Variants in SYT10 observed in about 807,000 individuals in gnomAD.
SYT10 encodes the protein synaptotagmin 10.
In SYT10, 31 loss-of-function variants were observed where a neutral mutation model predicts 51.1. That is an observed-to-expected ratio of 0.61 (90% CI 0.46 to 0.82). The LOEUF is 0.82. Among genes scored for constraint, SYT10 ranks in the 40% least tolerant of loss-of-function variants. SYT10 has a pLI of 0.00. For missense variants in SYT10, 603 were observed against 634.0 expected (o/e 0.95, Z 0.53); for synonymous variants, 233 against 225.9 (o/e 1.03, Z -0.28).
At chr12:33,417,284 A>C (rs1866462604) in intron 2 of SYT10, among the ~76,000 whole-genome samples, 1 of 152,116 alleles carries the variant, frequency 6.6e-6, no homozygotes, top group Admixed American at 6.6e-5. Flanking sequence ...TTAATGAGTT[A>C]ATAGATTTGT....
chr12:33,426,008 C>T (rs1218145369), intron 2 of SYT10, 130 bp downstream of exon 2: 1 of 911,654 alleles, frequency 1.1e-6, no homozygotes, highest in Non-Finnish European at 1.6e-6. Context: ...ATGTCTTTCC[C>T]ATTTCTCCTG....
At chr12:33,410,814 A>T (rs1338904452) in intron 2 of SYT10, among the ~76,000 whole-genome samples, 1 of 152,202 alleles carries the variant, frequency 6.6e-6, no homozygotes, top group Non-Finnish European at 1.5e-5. Flanking sequence ...TTGGAAGAAA[A>T]TAAAAAATAA....
intron 6 of SYT10, 54 bp downstream of exon 6, chr12:33,379,778 A>G: frequency 6.3e-7 from 1 of 1,598,554 alleles, no homozygotes; most frequent in South Asian, 1.1e-5. Flanking sequence ...AATAAATAAT[A>G]TTTAAGCAAA....
At chr12:33,401,982 G>A (rs952322819) in intron 3 of SYT10, among the ~76,000 whole-genome samples, 7 of 152,200 alleles carry the variant, frequency 4.6e-5, no homozygotes, top group African/African-American at 1.7e-4. Flanking sequence ...AATAAGTGCA[G>A]CAGACAATGC....
chr12:33,393,282 A>C (rs1213910504), intron 3 of SYT10, among the ~76,000 whole-genome samples: 1 of 152,126 alleles, frequency 6.6e-6, no homozygotes, highest in Non-Finnish European at 1.5e-5. Context: ...ATTTCATAAC[A>C]ACTCTTCTCT....
At chr12:33,438,134 G>A (rs556816858) in intron 1 of SYT10, among the ~76,000 whole-genome samples, 6 of 152,226 alleles carry the variant, frequency 3.9e-5, no homozygotes, top group South Asian at 2.1e-4. Context: ...TGACGCAGGG[G>A]TGGTGGTGGA....
intron 6 of SYT10, 149 bp from the exon 7 acceptor site, chr12:33,377,050 T>G: frequency 1.3e-6 from 1 of 777,870 alleles, no homozygotes; most frequent in African/African-American, 1.7e-5. Flanking sequence ...CCTTCAGAAC[T>G]TACCTTCTCT....
chr12:33,417,504 T>C (rs1164606973), intron 2 of SYT10, among the ~76,000 whole-genome samples: 1 of 152,242 alleles, frequency 6.6e-6, no homozygotes, highest in African/African-American at 2.4e-5. Context: ...TAAATTCATT[T>C]TCTTTATAAA....
intron 3 of SYT10, among the ~76,000 whole-genome samples, chr12:33,394,955 G>A (rs10844577): frequency 0.2 from 30,303 of 152,058 alleles, 3,245 homozygotes; most frequent in South Asian, 0.26. Context: ...GGGCGTGGTG[G>A]TGGGTGCCTG....
chr12:33,437,776 T>C (rs1191346683), intron 1 of SYT10, among the ~76,000 whole-genome samples: 1 of 152,114 alleles, frequency 6.6e-6, no homozygotes, highest in Non-Finnish European at 1.5e-5. Flanking sequence ...CAGAGGACTC[T>C]GAGGTCACAC....
At chr12:33,383,624 C>T (rs1200447086) in intron 4 of SYT10, among the ~76,000 whole-genome samples, 2 of 152,038 alleles carry the variant, frequency 1.3e-5, no homozygotes, top group Non-Finnish European at 2.9e-5. Flanking sequence ...TGTGATACAG[C>T]TTTGTGTTTG....
intron 3 of SYT10, among the ~76,000 whole-genome samples, chr12:33,403,053 C>T (rs1444224327): frequency 1.3e-5 from 2 of 151,774 alleles, no homozygotes; most frequent in Non-Finnish European, 2.9e-5. Flanking sequence ...TATTCTTTTC[C>T]CCAGTAAATT....
chr12:33,400,819 A>G (rs1229657000), intron 3 of SYT10, among the ~76,000 whole-genome samples: 1 of 152,180 alleles, frequency 6.6e-6, no homozygotes, highest in East Asian at 1.9e-4. Flanking sequence ...TGAGGTCAGG[A>G]GTTCGAGACC....
At chr12:33,426,041 G>T in intron 2 of SYT10, 97 bp downstream of exon 2, 1 of 1,289,074 alleles carries the variant, frequency 7.8e-7, no homozygotes, top group Non-Finnish European at 1.1e-6. Context: ...CCCAACTAAA[G>T]TTTTTCTCTC....
chr12:33,414,202 CA>C (rs1176972728), intron 2 of SYT10, among the ~76,000 whole-genome samples: 1 of 152,138 alleles, frequency 6.6e-6, no homozygotes, highest in Non-Finnish European at 1.5e-5. Context: ...TAGAAACATA[CA>C]AAGAGACTTA....
chr12:33,407,359 G>T lies in SYT10; in HGVS notation c.510-3C>A. On this transcript the variant is annotated splice_region_variant and splice_polypyrimidine_tract_variant and intron_variant, in intron 2 of 6. Transcript: ENST00000228567. ...GGTGTCTTCGGAAGGAACTGTGGCT[G>T]AACACACACACATATACACAAAATC... 1 of 1,601,284 alleles carries T rather than the reference G, an allele frequency of 6.2e-7. No homozygotes were observed. Among genetic ancestry groups the T allele is most frequent in the South Asian group, 1.1e-5 (1 of 90,982 alleles).
At chr12:33,425,976 T>G (rs1176373055) in intron 2 of SYT10, among the ~76,000 whole-genome samples, 162 bp downstream of exon 2, 1 of 151,942 alleles carries the variant, frequency 6.6e-6, no homozygotes, top group Non-Finnish European at 1.5e-5. Context: ...CCTTTCTCTC[T>G]TTATTTAATT....
chr12:33,391,384 A>T (rs1423434717), intron 3 of SYT10, among the ~76,000 whole-genome samples: 2 of 152,184 alleles, frequency 1.3e-5, no homozygotes, highest in Non-Finnish European at 1.5e-5. Flanking sequence ...GACAATGTAA[A>T]TGATGAAAAA....
intron 2 of SYT10, among the ~76,000 whole-genome samples, chr12:33,408,877 C>A (rs1192632619): frequency 6.6e-6 from 1 of 151,952 alleles, no homozygotes; most frequent in Non-Finnish European, 1.5e-5. Context: ...TTGAATCATT[C>A]TCCCTTTACC....
Sources: allele counts gnomAD v4.1 joint callset (sites outside exome capture counted in the v4.1 genomes callset), GRCh38; gene constraint gnomAD v4.1.1; transcripts MANE v1.5; gene names NCBI Gene and HGNC (gene_info 2026-07-23, HGNC 2026-07-21).